The following FAM241A variants were observed in gnomAD, a reference collection of about 807,000 sequenced individuals.
FAM241A encodes the protein uncharacterized protein FAM241A.
A neutral mutation model predicts 12.2 loss-of-function variants in FAM241A; 7 were observed. The observed-to-expected ratio is 0.58, with a 90% CI of 0.33 to 1.08. FAM241A has a LOEUF of 1.08. Ranked by LOEUF, FAM241A falls within the 50% of genes least tolerant of loss-of-function variation. The probability of loss-of-function intolerance (pLI) is 0.04; values close to 1 mark genes in which losing one functional copy is unlikely to be tolerated. For missense variants in FAM241A, 161 were observed against 169.7 expected, an observed-to-expected ratio of 0.95 and a Z score of 0.29; for synonymous variants, 74 against 68.2, an observed-to-expected ratio of 1.08 and a Z score of -0.42.
At chr4:112,174,221 T>A (rs1723777230) in intron 1 of FAM241A, among the ~76,000 whole-genome samples, 1 of 152,190 alleles carries the variant, frequency 6.6e-6, no homozygotes, top group Non-Finnish European at 1.5e-5. Flanking sequence ...CTCCCTGCAC[T>A]CACTGTAGGG....
chr4:112,165,530 A>G (rs1723575861), intron 1 of FAM241A, among the ~76,000 whole-genome samples: 1 of 152,162 alleles, frequency 6.6e-6, no homozygotes, highest in African/African-American at 2.4e-5. Context: ...ATGAATGGAT[A>G]AAGAAAACGT....
Position 112,179,943 on chromosome 4 carries a change from A to ATGTATATG in FAM241A, c.154-6747_154-6746insATATGTGT, listed in dbSNP as rs1553921439. 1.7e-3 allele frequency among the ~76,000 whole-genome samples: 221 copies of ATGTATATG among 129,482 alleles called. 1 individual carries two copies. Among genetic ancestry groups the ATGTATATG allele is most frequent in the Non-Finnish European group, 3.2e-3 (198 of 62,398 alleles). 84.9% of individuals were successfully genotyped at this position (129,482 alleles called of 152,430 possible). On this transcript the variant is annotated intron_variant, in intron 1 of 1. Coordinates refer to ENST00000309733, the MANE Select transcript of FAM241A (RefSeq NM_152400.3). ...TATATATATATATATATATATGTAT[A>ATGTATATG]TGTGTGTGTGTGTGTGTATATATAT...
rs371585740 is a variant in FAM241A, at chr4:112,186,673, CTT to C, written c.154-6_154-5del. 6,356 of 1,385,054 alleles carry C rather than the reference CTT, an allele frequency of 4.6e-3. No individual in the cohort carries two copies. The highest frequency in any genetic ancestry group is 8.5e-3 in the South Asian group (647 of 76,274). 85.8% of individuals were successfully genotyped at this position (1,385,054 alleles called of 1,614,324 possible). ...TTCTCATGTTATGTTCATGTTTTGT[CTT>C]TTTTTTTTTTTTTAAAGGATGTTGA... On this transcript the variant is annotated intron_variant, in intron 1 of 1. Coordinates refer to ENST00000309733, the MANE Select transcript of FAM241A (RefSeq NM_152400.3).
At chr4:112,161,511 A>G (rs1273045021) in intron 1 of FAM241A, among the ~76,000 whole-genome samples, 3 of 152,242 alleles carry the variant, frequency 2.0e-5, no homozygotes, top group African/African-American at 7.2e-5. Flanking sequence ...ACAAACTACC[A>G]TCAGAGAATA....
intron 1 of FAM241A, among the ~76,000 whole-genome samples, chr4:112,159,710 T>G (rs1167887570): frequency 1.3e-5 from 2 of 152,226 alleles, no homozygotes; most frequent in African/African-American, 4.8e-5. Flanking sequence ...AAAAAGCATT[T>G]GATAAAATTC....
intron 1 of FAM241A, among the ~76,000 whole-genome samples, chr4:112,160,476 C>G (rs995258531): frequency 1.3e-5 from 2 of 151,344 alleles, no homozygotes; most frequent in African/African-American, 4.9e-5. Context: ...AATGTCCATA[C>G]TACCCGAAGC....
chr4:112,166,750 T>A (rs571890032), intron 1 of FAM241A, among the ~76,000 whole-genome samples: 53 of 152,242 alleles, frequency 3.5e-4, no homozygotes, highest in African/African-American at 1.2e-3. Context: ...TTTAATAGTT[T>A]ATTGAACAAA....
intron 1 of FAM241A, among the ~76,000 whole-genome samples, chr4:112,150,601 A>G (rs1408186215): frequency 6.6e-6 from 1 of 152,026 alleles, no homozygotes; most frequent in Non-Finnish European, 1.5e-5. Flanking sequence ...AGCATTTGCC[A>G]AAGTGTGTTC....
At chr4:112,173,023 G>A (rs1723755061) in intron 1 of FAM241A, among the ~76,000 whole-genome samples, 1 of 152,086 alleles carries the variant, frequency 6.6e-6, no homozygotes, top group African/African-American at 2.4e-5. Flanking sequence ...GAGCAGCTGG[G>A]ACTACAGGCA....
Position 112,189,039 on chromosome 4 carries a change from A to G in FAM241A, c.*2101A>G, listed in dbSNP as rs1319982662. Reference sequence around the variant, plus strand: ...TTTTATGAAATATATTAGAATGCAGATTATACTAATATCCTGAAATAAAAC... The same window carrying G: ...TTTTATGAAATATATTAGAATGCAGGTTATACTAATATCCTGAAATAAAAC... On this transcript the variant is annotated 3_prime_UTR_variant, in exon 2 of 2. Transcript: ENST00000309733. The G allele has an allele frequency of 6.6e-6, 1 of 152,220 alleles. No homozygotes were observed. The highest frequency in any genetic ancestry group is 6.5e-5 in the Admixed American group (1 of 15,286). 9.4% of individuals were successfully genotyped at this position (152,220 alleles called of 1,614,324 possible).
chr4:112,163,829 A>G (rs112761250), intron 1 of FAM241A, among the ~76,000 whole-genome samples: 3 of 152,280 alleles, frequency 2.0e-5, no homozygotes, highest in African/African-American at 7.2e-5. Flanking sequence ...CCAGAGGATT[A>G]TAAATCATGC....
At chr4:112,181,720 G>A (rs1052141901) in intron 1 of FAM241A, among the ~76,000 whole-genome samples, 3 of 152,150 alleles carry the variant, frequency 2.0e-5, no homozygotes, top group Admixed American at 1.3e-4. Context: ...AAAAGAGCAC[G>A]TGCAAATCCC....
intron 1 of FAM241A, among the ~76,000 whole-genome samples, chr4:112,149,981 A>G (rs1474406644): frequency 6.6e-6 from 1 of 152,092 alleles, no homozygotes; most frequent in Non-Finnish European, 1.5e-5. Flanking sequence ...TCGTATATAC[A>G]CACACCACTC....
At chr4:112,165,141 C>T (rs527584456) in intron 1 of FAM241A, among the ~76,000 whole-genome samples, 1 of 152,248 alleles carries the variant, frequency 6.6e-6, no homozygotes, top group Admixed American at 6.5e-5. Context: ...GGCAAACAGG[C>T]ATATGAAAAG....
chr4:112,148,366 A>G (rs1723181152), intron 1 of FAM241A, among the ~76,000 whole-genome samples: 1 of 152,060 alleles, frequency 6.6e-6, no homozygotes. Flanking sequence ...AAATATATAA[A>G]ACACCTAGTA....
At position 112,193,466 on chromosome 4, in the gene FAM241A, T is replaced by G. The variant is rs964612660; in HGVS notation, c.*6528T>G. 8 of 152,194 alleles carry G rather than the reference T, an allele frequency of 5.3e-5. No homozygotes were observed. The highest frequency in any genetic ancestry group is 4.4e-5 in the Non-Finnish European group (3 of 68,036). 9.4% of individuals were successfully genotyped at this position (152,194 alleles called of 1,614,324 possible). A position where few individuals can be genotyped will look rare whatever the true frequency, so the allele number is the denominator to read the frequency against. On this transcript the variant is annotated 3_prime_UTR_variant, in exon 2 of 2. Transcript: ENST00000309733. ...GTAATGCCTAGGTTTTCTTCTAGGG[T>G]TTTTATGGTTTTAGGTCTGACATGT... is the stretch of plus-strand genomic sequence containing the variant.
rs1450937885 is a variant in FAM241A, at chr4:112,194,559, G to A, written c.*7621G>A. On this transcript the variant is annotated 3_prime_UTR_variant, in exon 2 of 2. Coordinates refer to ENST00000309733, the MANE Select transcript of FAM241A (RefSeq NM_152400.3). ...ATTTATTGAGAGTTTTTAGCATGAAGCGTTGTTGAATTTTGTCAAAGGCCT... is the reference window on the plus strand; with the variant it reads ...ATTTATTGAGAGTTTTTAGCATGAAACGTTGTTGAATTTTGTCAAAGGCCT... 1 of 152,040 alleles carries A rather than the reference G, an allele frequency of 6.6e-6. No individual in the cohort carries two copies. The highest frequency in any genetic ancestry group is 2.4e-5 in the African/African-American group (1 of 41,374). 9.4% of individuals were successfully genotyped at this position (152,040 alleles called of 1,614,324 possible).
chr4:112,151,843 C>T (rs964866980), intron 1 of FAM241A, among the ~76,000 whole-genome samples: 1 of 152,184 alleles, frequency 6.6e-6, no homozygotes, highest in Admixed American at 6.5e-5. Flanking sequence ...GGTTTCCGAA[C>T]ACCAAAGCTA....
intron 1 of FAM241A, among the ~76,000 whole-genome samples, chr4:112,169,049 T>C (rs1197236692): frequency 6.6e-6 from 1 of 152,248 alleles, no homozygotes; most frequent in Non-Finnish European, 1.5e-5. Flanking sequence ...CAAAATAGTC[T>C]TCAATCTTCC....
Sources: allele counts gnomAD v4.1 joint callset (sites outside exome capture counted in the v4.1 genomes callset), GRCh38; gene constraint gnomAD v4.1.1; transcripts MANE v1.5; gene names NCBI Gene and HGNC (gene_info 2026-07-23, HGNC 2026-07-21).